ERO1B: variants seen among roughly 807,000 people sequenced by gnomAD.
ERO1B encodes the protein ERO1-like protein beta.
ERO1B carries 49 observed loss-of-function variants against 75.3 expected under a neutral mutation model. That is an observed-to-expected ratio of 0.65 (90% CI 0.52 to 0.83). ERO1B has a LOEUF of 0.83. Among genes scored for constraint, ERO1B ranks in the 40% least tolerant of loss-of-function variants. The pLI is 0.00. For synonymous variants in ERO1B, 191 were observed against 192.9 expected, an observed-to-expected ratio of 0.99 and a Z score of 0.08; for missense variants, 512 against 560.1, an observed-to-expected ratio of 0.91 and a Z score of 0.87.
intron 2 of ERO1B, chr1:236,267,777 C>T (rs1665482525): frequency 6.6e-6 from 1 of 152,190 alleles, no homozygotes; most frequent in Non-Finnish European, 1.5e-5. Flanking sequence ...ACCTGTCTCT[C>T]CAATGGCTTC....
At chr1:236,255,803 C>T (rs1665146512) in intron 2 of ERO1B, among the ~76,000 whole-genome samples, 1 of 152,172 alleles carries the variant, frequency 6.6e-6, no homozygotes, top group South Asian at 2.1e-4. Context: ...GGCCTGTATA[C>T]CCACCTGCTT....
At chr1:236,247,967 A>G (rs1161024167) in intron 5 of ERO1B, among the ~76,000 whole-genome samples, 2 of 151,548 alleles carry the variant, frequency 1.3e-5, no homozygotes, top group Non-Finnish European at 1.5e-5. Flanking sequence ...CCACTCTCTC[A>G]CTCCTAGCCC....
intron 2 of ERO1B, among the ~76,000 whole-genome samples, chr1:236,265,851 T>C (rs1665422918): frequency 1.3e-5 from 2 of 152,186 alleles, no homozygotes; most frequent in African/African-American, 4.8e-5. Context: ...CTACATCTTT[T>C]CCCTGGCATG....
At chr1:236,281,232 C>A (rs1477600759) in intron 1 of ERO1B, among the ~76,000 whole-genome samples, 7 of 152,168 alleles carry the variant, frequency 4.6e-5, no homozygotes, top group African/African-American at 9.7e-5. Context: ...CTGCGCCTGG[C>A]GGGGCCTCGG....
chr1:236,281,738 C>T lies in ERO1B; in HGVS notation c.46G>A (p.Ala16Thr), dbSNP rs2102970487. The change falls in exon 1 of 16, where the codon GCC (alanine) becomes ACC (threonine). Residue 16 changes from alanine to threonine, a missense_variant. Physicochemically the swap from Ala to Thr is moderately conservative, Grantham distance 58 (BLOSUM62 0). Coordinates refer to ENST00000354619, the MANE Select transcript of ERO1B (RefSeq NM_019891.4). ...AGGGTGACCAGCAGCTGCACCGCGG[C>T]CGCTACCCCCTGCCCAGCGCCTGCC... is the stretch of plus-strand genomic sequence containing the variant. ...RRAGAGQGVA[A>T]AVQLLVTLSF... 6.6e-7 allele frequency: 1 copy of T among 1,517,552 alleles called. No homozygotes were observed. The highest frequency in any genetic ancestry group is 8.8e-7 in the Non-Finnish European group (1 of 1,136,174). 94.0% of individuals were successfully genotyped at this position (1,517,552 alleles called of 1,614,324 possible).
At chr1:236,280,800 T>C (rs1157045212) in intron 1 of ERO1B, among the ~76,000 whole-genome samples, 1 of 150,036 alleles carries the variant, frequency 6.7e-6, no homozygotes, top group Non-Finnish European at 1.5e-5. Context: ...CTTCGTTTTA[T>C]TTTTTTGGCC....
chr1:236,232,996 A>C (rs1310769979), intron 8 of ERO1B, among the ~76,000 whole-genome samples, 157 bp from the exon 9 acceptor site: 1 of 152,164 alleles, frequency 6.6e-6, no homozygotes, highest in African/African-American at 2.4e-5. Context: ...TAATCAGAAT[A>C]CAGGTCAAAG....
At chr1:236,235,034 C>G (rs1227110679) in intron 8 of ERO1B, among the ~76,000 whole-genome samples, 1 of 152,152 alleles carries the variant, frequency 6.6e-6, no homozygotes, top group South Asian at 2.1e-4. Context: ...CAATAAGGTT[C>G]TGTTTAACAA....
rs1340032103 is a variant in ERO1B at position 236,249,883 on chromosome 1, G to A, written c.431+2C>T. ...TCTTAATATTACCAAAATAAAACTT[G>A]CCTTAATGTGCTGTTAATTGCTCCC... On this transcript the variant is annotated splice_donor_variant, in intron 5 of 15. Coordinates refer to ENST00000354619, the MANE Select transcript of ERO1B (RefSeq NM_019891.4). LOFTEE classifies it low-confidence loss of function (GC_TO_GT_DONOR). The A allele has an allele frequency of 6.4e-7, 1 of 1,568,054 alleles. No homozygotes were observed. Among genetic ancestry groups the A allele is most frequent in the African/African-American group, 1.4e-5 (1 of 73,140 alleles).
chr1:236,233,665 A>G lies in ERO1B; in HGVS notation c.674-826T>C, dbSNP rs76484268. On this transcript the variant is annotated intron_variant, in intron 8 of 15. Coordinates refer to ENST00000354619, the MANE Select transcript of ERO1B (RefSeq NM_019891.4). ...CATCAGAAAGCAACTAAAAAGTCAT[A>G]AAGACCACTATTTTCAATAATTAAT... is the stretch of plus-strand genomic sequence containing the variant. Among the ~76,000 whole-genome samples the G allele has an allele frequency of 8.0e-3, 1,223 of 152,318 alleles. 5 individuals are homozygous for G. The highest frequency in any genetic ancestry group is 0.013 in the Non-Finnish European group (887 of 68,024).
intron 10 of ERO1B, among the ~76,000 whole-genome samples, chr1:236,227,063 C>T (rs911457772): frequency 3.3e-5 from 5 of 152,128 alleles, no homozygotes; most frequent in African/African-American, 1.2e-4. Context: ...GTGGTTTAGG[C>T]TAAGAACTTA....
At chr1:236,273,146 T>C (rs1558523494) in intron 1 of ERO1B, among the ~76,000 whole-genome samples, 1 of 152,088 alleles carries the variant, frequency 6.6e-6, no homozygotes, top group Non-Finnish European at 1.5e-5. Context: ...GAGTTCTTTA[T>C]GAGAGAGGAA....
intron 8 of ERO1B, among the ~76,000 whole-genome samples, chr1:236,234,754 A>T (rs1298628649): frequency 6.6e-6 from 1 of 152,220 alleles, no homozygotes; most frequent in Non-Finnish European, 1.5e-5. Context: ...AGATCAGGAA[A>T]TCAAATTTCT....
chr1:236,245,327 C>CGTATATATAT (rs1664824766), intron 5 of ERO1B, among the ~76,000 whole-genome samples: 1 of 27,188 alleles, frequency 3.7e-5, no homozygotes, highest in African/African-American at 9.1e-5. Flanking sequence ...TATATACACA[C>CGTATATATAT]ACGTATATAT....
rs182779928 is a variant in ERO1B, at chr1:236,267,288, A to C, written c.222+2587T>G. On this transcript the variant is annotated intron_variant, in intron 2 of 15. Coordinates refer to ENST00000354619, the MANE Select transcript of ERO1B (RefSeq NM_019891.4). ...GTCTTTCAATTTTGTTAGCTACTTC[A>C]TATCTTTTCTTAATAAAACTTCTGT... 1.5e-3 allele frequency among the ~76,000 whole-genome samples: 227 copies of C among 152,226 alleles called. 1 individual carries two copies. In the Middle Eastern group the frequency reaches 0.024, roughly 16 times the overall value.
chr1:236,271,513 T>C (rs940022258), intron 1 of ERO1B, among the ~76,000 whole-genome samples: 15 of 152,246 alleles, frequency 9.9e-5, no homozygotes, highest in Non-Finnish European at 2.2e-4. Context: ...CACTTACTAC[T>C]TACAAGACTG....
At chr1:236,266,938 A>C (rs568110957) in intron 2 of ERO1B, among the ~76,000 whole-genome samples, 1 of 152,360 alleles carries the variant, frequency 6.6e-6, no homozygotes, top group South Asian at 2.1e-4. Flanking sequence ...GAAGAATCAG[A>C]TTGTTGAGTA....
chr1:236,251,076 A>C (rs2102956187), intron 4 of ERO1B, among the ~76,000 whole-genome samples: 2 of 152,318 alleles, frequency 1.3e-5, no homozygotes, highest in South Asian at 4.1e-4. Flanking sequence ...AACTGACTAC[A>C]GCTATTAAGA....
intron 1 of ERO1B, among the ~76,000 whole-genome samples, chr1:236,279,422 G>A (rs1250326473): frequency 6.8e-6 from 1 of 147,372 alleles, no homozygotes; most frequent in African/African-American, 2.5e-5. Flanking sequence ...AGAATCACTT[G>A]AACCCAGGAG....
Sources: allele counts gnomAD v4.1 joint callset (sites outside exome capture counted in the v4.1 genomes callset), GRCh38; gene constraint gnomAD v4.1.1; transcripts MANE v1.5; gene names NCBI Gene and HGNC (gene_info 2026-07-23, HGNC 2026-07-21).